The following AIFM2 variants were observed in gnomAD, a reference collection of about 807,000 sequenced individuals.
AIFM2 encodes the protein ferroptosis suppressor protein 1.
AIFM2 carries 38 observed loss-of-function variants against 35.7 expected under a neutral mutation model. The ratio of observed to expected loss-of-function variants is 1.06; its 90% confidence interval spans 0.82 to 1.39. The LOEUF is 1.39. Among genes scored for constraint, AIFM2 ranks in the 40% most tolerant of loss-of-function variants. The pLI is 0.00. For synonymous variants in AIFM2, 185 were observed against 203.5 expected (o/e 0.91, Z 0.77); for missense variants, 476 against 491.2 (o/e 0.97, Z 0.29).
Position 70,117,805 on chromosome 10 carries a change from C to CA in AIFM2, c.616+6dup. The CA allele has an allele frequency of 6.2e-7, 1 of 1,601,094 alleles. No individual in the cohort carries two copies. Among genetic ancestry groups the CA allele is most frequent in the Non-Finnish European group, 8.5e-7 (1 of 1,174,352 alleles). On this transcript the variant is annotated splice_region_variant and intron_variant, in intron 6 of 8. Transcript: ENST00000307864. The surrounding 1 kb of genome is among the most constrained non-coding windows in gnomAD (Gnocchi z 4.7). ...CAGGGCAGGGAGGGAGGTGAGGGTG[C>CA]ACGTACTCAGCAGCAGCTGCACGCC...
intron 8 of AIFM2, 82 bp from the exon 9 acceptor site, chr10:70,114,411 G>A (rs2072410649): frequency 4.5e-6 from 7 of 1,556,992 alleles, no homozygotes; most frequent in Non-Finnish European, 6.1e-6. Context: ...TCCTTCCCGA[G>A]GCCTTCAGAC....
At chr10:70,114,415 T>G in intron 8 of AIFM2, 86 bp from the exon 9 acceptor site, 8 of 1,531,374 alleles carry the variant, frequency 5.2e-6, no homozygotes, top group Non-Finnish European at 7.1e-6. Flanking sequence ...TCCCGAGGCC[T>G]TCAGACTCAG....
chr10:70,122,204 G>A (rs1255089996), intron 3 of AIFM2, among the ~76,000 whole-genome samples: 1 of 152,118 alleles, frequency 6.6e-6, no homozygotes. Context: ...TGCTCCAATG[G>A]GAGGGGCTGG....
At chr10:70,116,197 A>G (rs2072433347) in intron 7 of AIFM2, among the ~76,000 whole-genome samples, 1 of 152,226 alleles carries the variant, frequency 6.6e-6, no homozygotes. Context: ...AGGCCATGTT[A>G]CCAACCCCAC....
At chr10:70,120,380 T>C in intron 5 of AIFM2, 127 bp downstream of exon 5, 1 of 967,024 alleles carries the variant, frequency 1.0e-6, no homozygotes, top group Non-Finnish European at 1.6e-6. Flanking sequence ...AAAACAGAAA[T>C]ACACACTCCC....
chr10:70,121,351 C>T lies in AIFM2; in HGVS notation c.295-140G>A, dbSNP rs541080995. ...AGGCAAAGAGGCCCCTCTAGGCACCCGAGGCAGCCCCCATGGGAGGGGGTG... is the reference window on the plus strand; with the variant it reads ...AGGCAAAGAGGCCCCTCTAGGCACCTGAGGCAGCCCCCATGGGAGGGGGTG... On this transcript the variant is annotated intron_variant, in intron 3 of 8. Coordinates refer to ENST00000307864, the MANE Select transcript of AIFM2 (RefSeq NM_032797.6). 236 of 1,334,668 alleles carry T rather than the reference C, an allele frequency of 1.8e-4. 3 individuals are homozygous for T. The South Asian group carries it at 2.1e-3, about 12-fold the overall frequency. The allele number at this position is 1,334,668 out of a possible 1,614,324, so 82.7% of individuals were successfully genotyped here.
rs1293546905 is a variant in AIFM2, at chr10:70,117,305, C to A, written c.616+507G>T. Among the ~76,000 whole-genome samples, 1 of 152,196 alleles carries A rather than the reference C, an allele frequency of 6.6e-6. No individual in the cohort carries two copies. Among genetic ancestry groups the A allele is most frequent in the African/African-American group, 2.4e-5 (1 of 41,450 alleles). ...CCCGCAAACAGTGAGGGGGCTGGGG[C>A]CCCATGCAGTGAAGTGTAGGGGCCA... On this transcript the variant is annotated intron_variant, in intron 6 of 8. Transcript: ENST00000307864. The surrounding 1 kb of genome is among the most constrained non-coding windows in gnomAD (Gnocchi z 4.7).
chr10:70,120,201 A>G (rs1353611789), intron 5 of AIFM2, among the ~76,000 whole-genome samples: 2 of 152,278 alleles, frequency 1.3e-5, no homozygotes, highest in Admixed American at 1.3e-4. Flanking sequence ...AAGGTGACAC[A>G]GAAGTTCCGC....
At chr10:70,127,665 T>C (rs1330790973) in intron 1 of AIFM2, among the ~76,000 whole-genome samples, 1 of 152,106 alleles carries the variant, frequency 6.6e-6, no homozygotes, top group Non-Finnish European at 1.5e-5. Flanking sequence ...GGGCAATGAG[T>C]TGACCAAAGG....
chr10:70,127,041 G>A (rs976525595), intron 1 of AIFM2, among the ~76,000 whole-genome samples: 6 of 152,218 alleles, frequency 3.9e-5, no homozygotes, highest in Non-Finnish European at 8.8e-5. Context: ...ATGTCTCCTA[G>A]GGACCAGGAC....
intron 5 of AIFM2, among the ~76,000 whole-genome samples, chr10:70,120,190 GA>G (rs1295001506): frequency 1.3e-5 from 2 of 152,250 alleles, no homozygotes; most frequent in Non-Finnish European, 1.5e-5. Context: ...CCTGAATTCT[GA>G]AGGTGACACA....
chr10:70,117,755 C>T lies in AIFM2; in HGVS notation c.616+57G>A, dbSNP rs936855506. On this transcript the variant is annotated intron_variant, in intron 6 of 8. Transcript: ENST00000307864. The surrounding 1 kb of genome is among the most constrained non-coding windows in gnomAD (Gnocchi z 4.7). ...CTGCTGGAAGCAGTCACCAAGCCTC[C>T]AAGCCACATCTCACCAGGCCAGGGC... The T allele has an allele frequency of 2.1e-6, 3 of 1,447,924 alleles. No individual in the cohort carries two copies. Among genetic ancestry groups the T allele is most frequent in the Non-Finnish European group, 2.8e-6 (3 of 1,062,824 alleles). 89.7% of individuals were successfully genotyped at this position (1,447,924 alleles called of 1,614,324 possible).
intron 3 of AIFM2, 106 bp from the exon 4 acceptor site, chr10:70,121,317 G>A (rs1228279598): frequency 9.3e-6 from 13 of 1,404,434 alleles, no homozygotes; most frequent in Non-Finnish European, 9.2e-7. Flanking sequence ...CTGCCAGCCG[G>A]GACAAACCAG....
At position 70,124,046 on chromosome 10, in the gene AIFM2, GT is replaced by G; in HGVS notation, c.38del (p.His13ProfsTer3). 6.3e-7 allele frequency: 1 copy of G among 1,597,238 alleles called. No homozygotes were observed. The highest frequency in any genetic ancestry group is 8.5e-7 in the Non-Finnish European group (1 of 1,171,078). Reference protein sequence around the residue: ...SQVSVESGALHVVIVGGGFGG... With the variant: ...SQVSVESGALXVVIVGGGFGG... The stretch of plus-strand genomic sequence containing the variant: ...CAAAGCCCCCACCCACAATCACCAC[GT>G]GCAGAGCTCCCGATTCCACCGAGAC... On this transcript the variant is annotated frameshift_variant, in exon 2 of 9. Coordinates refer to ENST00000307864, the MANE Select transcript of AIFM2 (RefSeq NM_032797.6). LOFTEE classifies it high-confidence loss of function.
intron 2 of AIFM2, 102 bp downstream of exon 2, chr10:70,123,805 C>T (rs2072535990): frequency 7.8e-7 from 1 of 1,274,414 alleles, no homozygotes; most frequent in African/African-American, 1.5e-5. Context: ...AATGCAGGCA[C>T]TTGGCCCTAA....
In AIFM2 at chr10:70,124,063, C is replaced by T; in HGVS notation, c.22G>A (p.Glu8Lys). The stretch of plus-strand genomic sequence containing the variant: ...ATCACCACGTGCAGAGCTCCCGATT[C>T]CACCGAGACCTGGGACCCCATCTCA... Reference protein sequence around the residue: MGSQVSVESGALHVVIVG... With the variant: MGSQVSVKSGALHVVIVG... Residue 8 changes from glutamate to lysine, a missense_variant, in exon 2 of 9, where the codon GAA (glutamate) becomes AAA (lysine). Glu to Lys is a moderately conservative substitution (Grantham distance 56). Transcript: ENST00000307864. The T allele has an allele frequency of 1.3e-6, 2 of 1,569,700 alleles. No homozygotes were observed. Among genetic ancestry groups the T allele is most frequent in the Non-Finnish European group, 1.7e-6 (2 of 1,155,422 alleles).
At chr10:70,127,608 G>A (rs2136666900) in intron 1 of AIFM2, among the ~76,000 whole-genome samples, 1 of 152,308 alleles carries the variant, frequency 6.6e-6, no homozygotes, top group Non-Finnish European at 1.5e-5. Context: ...CCTTCATGGG[G>A]TTTCCTCCAG....
chr10:70,132,545 G>C (rs1221296989), intron 1 of AIFM2, among the ~76,000 whole-genome samples, 189 bp downstream of exon 1: 1 of 152,150 alleles, frequency 6.6e-6, no homozygotes, highest in Admixed American at 6.5e-5. Flanking sequence ...TGCGTTTTTT[G>C]GGGGAGACAG....
At chr10:70,130,144 C>T (rs2072612940) in intron 1 of AIFM2, among the ~76,000 whole-genome samples, 2 of 152,180 alleles carry the variant, frequency 1.3e-5, no homozygotes, top group Admixed American at 6.5e-5. Flanking sequence ...GATCATGCCA[C>T]TGCACTCTAG....
Sources: gnomAD v4.1 joint callset for allele counts (sites outside exome capture counted in the v4.1 genomes callset) on GRCh38, gnomAD v4.1.1 for gene constraint, Gnocchi (gnomAD v3.1) non-coding constraint, MANE v1.5 for transcripts, NCBI Gene and HGNC (gene_info 2026-07-23, HGNC 2026-07-21) for gene names.